The following SH3BP4 variants were observed in gnomAD, a reference collection of about 807,000 sequenced individuals.
SH3BP4 encodes SH3 domain binding protein 4, also known as SH3 domain-binding protein 4.
A neutral mutation model predicts 65.5 loss-of-function variants in SH3BP4; 33 were observed. The ratio of observed to expected loss-of-function variants is 0.50; its 90% CI spans 0.38 to 0.67. SH3BP4 has a LOEUF of 0.67. Ranked by LOEUF, SH3BP4 falls within the 30% of genes least tolerant of loss-of-function variation. SH3BP4 has a pLI of 0.00. For missense variants in SH3BP4, 1,134 were observed against 1,261.4 expected (o/e 0.90, Z 1.53); for synonymous variants, 552 against 545.5 (o/e 1.01, Z -0.17).
Position 235,054,175 on chromosome 2 carries a change from T to G in SH3BP4, c.*359T>G, listed in dbSNP as rs1022081391. The G allele has an allele frequency of 3.2e-5, 7 of 220,984 alleles. No homozygotes were observed. Among genetic ancestry groups the G allele is most frequent in the Non-Finnish European group, 5.5e-5 (6 of 109,702 alleles). 13.7% of individuals were successfully genotyped at this position (220,984 alleles called of 1,614,324 possible). A position where few individuals can be genotyped will look rare whatever the true frequency, so the allele number is the denominator to read the frequency against. On this transcript the variant is annotated 3_prime_UTR_variant, in exon 6 of 6. Coordinates refer to ENST00000392011, the MANE Select transcript of SH3BP4 (RefSeq NM_014521.3). ...TAGGGGCACAGGCTGTTGAGGTTTT[T>G]ATGTTGTTATAGACCTTTTTAAATT... is the stretch of plus-strand genomic sequence containing the variant.
chr2:235,030,659 G>A lies in SH3BP4; in HGVS notation c.-132-4212G>A, dbSNP rs1010893547. ...GGGAGGAGGAGGAGGGGTGGGAGGG[G>A]AGAGGATTCTGCTGTAGGAAAGAGG... On this transcript the variant is annotated intron_variant, in intron 2 of 5. Coordinates refer to ENST00000392011, the MANE Select transcript of SH3BP4 (RefSeq NM_014521.3). This position sits in a 1 kb window ranked among gnomAD's most constrained non-coding sequence, Gnocchi z 4.1. Among the ~76,000 whole-genome samples, 27 of 152,252 alleles carry A rather than the reference G, an allele frequency of 1.8e-4. No homozygotes were observed. Among genetic ancestry groups the A allele is most frequent in the African/African-American group, 6.5e-4 (27 of 41,552 alleles).
chr2:234,977,821 G>T lies in SH3BP4; in HGVS notation c.-206-17482G>T, dbSNP rs369487121. On this transcript the variant is annotated intron_variant, in intron 1 of 5. Coordinates refer to ENST00000392011, the MANE Select transcript of SH3BP4 (RefSeq NM_014521.3). The surrounding 1 kb of genome is among the most constrained non-coding windows in gnomAD (Gnocchi z 5.1). ...CACACATGGGCACACACACACATGC[G>T]TGCACACACACGCAGACCCTGAGAC... 2.0e-5 allele frequency among the ~76,000 whole-genome samples: 3 copies of T among 152,066 alleles called. No individual in the cohort carries two copies. The highest frequency in any genetic ancestry group is 7.2e-5 in the African/African-American group (3 of 41,410).
At chr2:234,962,091 G>A (rs944379267) in intron 1 of SH3BP4, among the ~76,000 whole-genome samples, 2 of 152,178 alleles carry the variant, frequency 1.3e-5, no homozygotes, top group Non-Finnish European at 2.9e-5. Context: ...TAAGTACTTT[G>A]TAGACATATG....
intron 1 of SH3BP4, among the ~76,000 whole-genome samples, chr2:234,961,599 G>GT (rs1467658691): frequency 6.6e-6 from 1 of 152,062 alleles, no homozygotes; most frequent in Non-Finnish European, 1.5e-5. Flanking sequence ...CCCCATGCTT[G>GT]TCAGCGTGCA....
At chr2:234,954,189 G>A (rs1692538119) in intron 1 of SH3BP4, among the ~76,000 whole-genome samples, 1 of 151,982 alleles carries the variant, frequency 6.6e-6, no homozygotes, top group Admixed American at 6.6e-5. Context: ...GTTGTCCCAA[G>A]ACTACATTTT....
intron 2 of SH3BP4, among the ~76,000 whole-genome samples, chr2:235,024,067 A>G (rs991651255): frequency 3.3e-5 from 5 of 152,218 alleles, no homozygotes; most frequent in Non-Finnish European, 7.3e-5. Flanking sequence ...TTTGCTCTAG[A>G]TATCTCGATT....
At chr2:235,006,406 C>T (rs1694296996) in intron 2 of SH3BP4, among the ~76,000 whole-genome samples, 1 of 152,056 alleles carries the variant, frequency 6.6e-6, no homozygotes. Flanking sequence ...TTTTAGGAAA[C>T]GAAGCATAGT....
intron 2 of SH3BP4, among the ~76,000 whole-genome samples, chr2:235,015,995 G>A (rs911589998): frequency 2.0e-5 from 3 of 152,186 alleles, no homozygotes; most frequent in Middle Eastern, 3.4e-3. Flanking sequence ...ATGGGGGTAC[G>A]TGGCAGAGAT....
intron 2 of SH3BP4, among the ~76,000 whole-genome samples, chr2:235,027,363 G>T (rs11899255): frequency 4.2e-4 from 60 of 142,400 alleles, no homozygotes; most frequent in African/African-American, 1.3e-3. Context: ...GGCCCCGAAG[G>T]CTTCTCCACT....
At chr2:235,038,386 T>TA (rs1358463225) in intron 3 of SH3BP4, among the ~76,000 whole-genome samples, 3 of 13,278 alleles carry the variant, frequency 2.3e-4, no homozygotes, top group African/African-American at 6.1e-4. Flanking sequence ...CATATATATA[T>TA]ATATATATAT....
At chr2:234,982,100 A>G (rs1693405605) in intron 1 of SH3BP4, among the ~76,000 whole-genome samples, 3 of 152,194 alleles carry the variant, frequency 2.0e-5, no homozygotes, top group Admixed American at 2.0e-4. Context: ...AATGTACACT[A>G]AAACATTATT....
chr2:234,986,919 T>C (rs999098254), intron 1 of SH3BP4, among the ~76,000 whole-genome samples: 9 of 152,010 alleles, frequency 5.9e-5, no homozygotes, highest in African/African-American at 2.2e-4. Flanking sequence ...ATTACAGGCA[T>C]GTGCCTCCAT....
intron 3 of SH3BP4, among the ~76,000 whole-genome samples, chr2:235,036,507 G>A (rs1265345805): frequency 6.6e-6 from 1 of 152,036 alleles, no homozygotes; most frequent in African/African-American, 2.4e-5. Context: ...TGTAATCCCA[G>A]CACTTTAGGA....
At chr2:234,983,968 GTAGTTT>G (rs1424972280) in intron 1 of SH3BP4, among the ~76,000 whole-genome samples, 13 of 152,324 alleles carry the variant, frequency 8.5e-5, no homozygotes, top group African/African-American at 2.6e-4. Context: ...TAAGTTTGTG[GTAGTTT>G]GTTACAACAT....
At chr2:234,975,277 G>T (rs1693134707) in intron 1 of SH3BP4, among the ~76,000 whole-genome samples, 4 of 152,176 alleles carry the variant, frequency 2.6e-5, no homozygotes, top group Admixed American at 6.5e-5. Flanking sequence ...AGGGTGCAGG[G>T]TGCTATGGCT....
intron 2 of SH3BP4, among the ~76,000 whole-genome samples, chr2:235,023,482 G>A (rs559400085): frequency 5.3e-5 from 8 of 152,268 alleles, no homozygotes; most frequent in African/African-American, 1.9e-4. Context: ...GGGTGGTGGG[G>A]GTTGCAGTGA....
chr2:235,045,758 G>A lies in SH3BP4; in HGVS notation c.2478+2511G>A, dbSNP rs562353220. Among the ~76,000 whole-genome samples, 11 of 152,206 alleles carry A rather than the reference G, an allele frequency of 7.2e-5. No homozygotes were observed. Among genetic ancestry groups the A allele is most frequent in the East Asian group, 1.9e-4 (1 of 5,168 alleles). The stretch of plus-strand genomic sequence containing the variant: ...ATCACAGGGCTGCCACGATTTCTGC[G>A]GCCTCTGCCACCGCTTTACCTGCCC... On this transcript the variant is annotated intron_variant, in intron 4 of 5. Transcript: ENST00000392011. The surrounding 1 kb of genome is among the most constrained non-coding windows in gnomAD (Gnocchi z 4.3).
At chr2:234,995,162 A>G (rs1328581683) in intron 1 of SH3BP4, 141 bp from the exon 2 acceptor site, 1 of 152,296 alleles carries the variant, frequency 6.6e-6, no homozygotes, top group African/African-American at 2.4e-5. Flanking sequence ...GGCAGCGTCC[A>G]CCACCATCCT....
At chr2:235,014,012 A>C (rs897134184) in intron 2 of SH3BP4, among the ~76,000 whole-genome samples, 29 of 152,176 alleles carry the variant, frequency 1.9e-4, no homozygotes, top group Non-Finnish European at 2.5e-4. Context: ...TGTATTATGT[A>C]CTATTGTTTT....
Sources: gnomAD v4.1 joint callset for allele counts (sites outside exome capture counted in the v4.1 genomes callset) on GRCh38, gnomAD v4.1.1 for gene constraint, Gnocchi (gnomAD v3.1) non-coding constraint, MANE v1.5 for transcripts, NCBI Gene and HGNC (gene_info 2026-07-23, HGNC 2026-07-21) for gene names.